The following ADAM22 variants were observed in gnomAD, a reference collection of about 807,000 sequenced individuals.
ADAM22 encodes disintegrin and metalloproteinase domain-containing protein 22.
Under a neutral mutation model 144.6 loss-of-function variants are expected in ADAM22, and 65 were observed. That is an observed-to-expected ratio of 0.45 (90% CI 0.37 to 0.55). The LOEUF is 0.55. Among genes scored for constraint, ADAM22 ranks in the 20% least tolerant of loss-of-function variants. The pLI is 0.00. For missense variants in ADAM22, 974 were observed against 1,184.9 expected (o/e 0.82, Z 2.61); for synonymous variants, 391 against 412.6 (o/e 0.95, Z 0.63).
At chr7:88,135,491 A>G in intron 13 of ADAM22, among the ~76,000 whole-genome samples, 1 of 152,114 alleles carries the variant, frequency 6.6e-6, no homozygotes, top group East Asian at 1.9e-4. Context: ...TCAAATGGCA[A>G]ACTCAGGTTT....
chr7:88,006,581 G>A (rs952784828), intron 3 of ADAM22, among the ~76,000 whole-genome samples: 9 of 150,130 alleles, frequency 6.0e-5, no homozygotes, highest in African/African-American at 2.0e-4. Context: ...TCCCTGGGAT[G>A]CAAGGCTGGT....
chr7:88,064,909 G>A (rs536747747), intron 3 of ADAM22, among the ~76,000 whole-genome samples: 48 of 152,236 alleles, frequency 3.2e-4, no homozygotes, highest in Admixed American at 3.3e-4. Context: ...CATTAGATCA[G>A]TAGAAATAGT....
intron 2 of ADAM22, among the ~76,000 whole-genome samples, chr7:87,974,981 G>T (rs1192384210): frequency 6.6e-6 from 1 of 152,036 alleles, no homozygotes; most frequent in African/African-American, 2.4e-5. Flanking sequence ...ATTAGATTGA[G>T]CCCATCCAGA....
At chr7:88,007,443 C>G (rs965806470) in intron 3 of ADAM22, among the ~76,000 whole-genome samples, 1 of 152,146 alleles carries the variant, frequency 6.6e-6, no homozygotes, top group African/African-American at 2.4e-5. Flanking sequence ...ATTGCCAAGT[C>G]AATCCTAAGC....
chr7:87,936,141 T>C (rs1208826938), intron 2 of ADAM22, among the ~76,000 whole-genome samples: 2 of 152,216 alleles, frequency 1.3e-5, no homozygotes, highest in Non-Finnish European at 2.9e-5. Context: ...TACTAACTTA[T>C]CTGTATGTGT....
At chr7:88,008,427 G>A (rs1167353589) in intron 3 of ADAM22, among the ~76,000 whole-genome samples, 1 of 151,622 alleles carries the variant, frequency 6.6e-6, no homozygotes, top group East Asian at 1.9e-4. Flanking sequence ...TATAAATCAT[G>A]CTGCTATAAA....
chr7:88,067,944 A>G (rs531706066), intron 3 of ADAM22, among the ~76,000 whole-genome samples: 4 of 152,300 alleles, frequency 2.6e-5, no homozygotes, highest in South Asian at 4.1e-4. Context: ...TTCATCCAAA[A>G]ATCAGATATT....
At chr7:88,024,164 A>G (rs888939668) in intron 3 of ADAM22, among the ~76,000 whole-genome samples, 4 of 152,160 alleles carry the variant, frequency 2.6e-5, no homozygotes, top group African/African-American at 9.7e-5. Context: ...GGAAGTACAG[A>G]TGTCTGTTAT....
At chr7:88,055,175 C>T (rs1343103086) in intron 3 of ADAM22, among the ~76,000 whole-genome samples, 1 of 151,762 alleles carries the variant, frequency 6.6e-6, no homozygotes, top group Non-Finnish European at 1.5e-5. Flanking sequence ...GTTCTCAGGA[C>T]CTTGCTCCCT....
chr7:87,960,603 C>T (rs1847823477), intron 2 of ADAM22, among the ~76,000 whole-genome samples: 1 of 152,146 alleles, frequency 6.6e-6, no homozygotes, highest in Non-Finnish European at 1.5e-5. Context: ...TATGTTTTCA[C>T]TAGAACTAGA....
chr7:88,144,681 G>C (rs1428759079), intron 15 of ADAM22, among the ~76,000 whole-genome samples: 1 of 151,918 alleles, frequency 6.6e-6, no homozygotes, highest in South Asian at 2.1e-4. Context: ...TCCTGTTTTA[G>C]ATATTAAGTT....
chr7:88,038,473 G>C (rs1004205603), intron 3 of ADAM22, among the ~76,000 whole-genome samples: 3 of 117,958 alleles, frequency 2.5e-5, no homozygotes, highest in African/African-American at 1.0e-4. Context: ...TTTTTCTTTT[G>C]AGACGGAGTT....
intron 2 of ADAM22, among the ~76,000 whole-genome samples, chr7:87,956,017 A>G (rs1356852326): frequency 6.6e-6 from 1 of 152,148 alleles, no homozygotes; most frequent in Non-Finnish European, 1.5e-5. Context: ...CCGATTTTCT[A>G]CGTGCCGTCT....
chr7:88,100,622 T>A (rs989639622), intron 4 of ADAM22, among the ~76,000 whole-genome samples: 1 of 152,222 alleles, frequency 6.6e-6, no homozygotes, highest in Non-Finnish European at 1.5e-5. Context: ...TTAGCTTTTT[T>A]AAGAATTTCC....
intron 3 of ADAM22, among the ~76,000 whole-genome samples, chr7:88,061,378 A>G (rs1217456685): frequency 2.0e-5 from 3 of 152,186 alleles, no homozygotes; most frequent in African/African-American, 4.8e-5. Flanking sequence ...TACTTTGCCC[A>G]GATCCATCAG....
chr7:87,944,444 T>C (rs1443361973), intron 2 of ADAM22, among the ~76,000 whole-genome samples: 1 of 152,164 alleles, frequency 6.6e-6, no homozygotes, highest in Non-Finnish European at 1.5e-5. Context: ...TTTAATGCCT[T>C]TGGGATATCC....
intron 31 of ADAM22, among the ~76,000 whole-genome samples, 171 bp from the exon 32 acceptor site, chr7:88,196,298 CAG>C (rs1404080701): frequency 7.9e-5 from 12 of 152,246 alleles, no homozygotes; most frequent in East Asian, 7.7e-4. Flanking sequence ...TTTGAGGAAA[CAG>C]AGAGCTAAAA....
Position 88,193,023 on chromosome 7 carries a change from G to A in ADAM22, c.2751-93G>A, listed in dbSNP as rs1010820122. ...TTGCAGTAGTGGTATATGAAAGTTAGAAGTCAGAGGGTTTGTTCTGAACAC... is the reference window on the plus strand; with the variant it reads ...TTGCAGTAGTGGTATATGAAAGTTAAAAGTCAGAGGGTTTGTTCTGAACAC... On this transcript the variant is annotated intron_variant, in intron 30 of 31. Transcript: ENST00000413139. 2.7e-6 allele frequency: 4 copies of A among 1,481,458 alleles called. No individual in the cohort carries two copies. In the Admixed American group the frequency reaches 5.6e-5, roughly 21 times the overall value. The allele number at this position is 1,481,458 out of a possible 1,614,324, so 91.8% of individuals were successfully genotyped here. A position where few individuals can be genotyped will look rare whatever the true frequency, so the allele number is the denominator to read the frequency against.
At chr7:88,174,866 T>C (rs1845250572) in intron 26 of ADAM22, among the ~76,000 whole-genome samples, 1 of 152,144 alleles carries the variant, frequency 6.6e-6, no homozygotes, top group African/African-American at 2.4e-5. Context: ...TCATCTTTTT[T>C]CCAAACCTTT....
Sources: allele counts gnomAD v4.1 joint callset (sites outside exome capture counted in the v4.1 genomes callset), GRCh38; gene constraint gnomAD v4.1.1; transcripts MANE v1.5; gene names NCBI Gene and HGNC (gene_info 2026-07-23, HGNC 2026-07-21).